Variants in ABCA3 observed in about 807,000 individuals in gnomAD.
ABCA3 encodes the protein ATP binding cassette subfamily A member 3, also known as phospholipid-transporting ATPase ABCA3.
Under a neutral mutation model 172.8 loss-of-function variants are expected in ABCA3, and 88 were observed. The ratio of observed to expected loss-of-function variants is 0.51; its 90% confidence interval spans 0.43 to 0.61. ABCA3 has a LOEUF of 0.61. Ranked by LOEUF, ABCA3 falls within the 20% of genes least tolerant of loss-of-function variation. The pLI is 0.00. For missense variants in ABCA3, 2,164 were observed against 2,301.0 expected (o/e 0.94, Z 1.22); for synonymous variants, 1,066 against 983.8 (o/e 1.08, Z -1.56).
chr16:2,323,585 A>C lies in ABCA3; in HGVS notation c.551T>G (p.Leu184Arg). The change falls in exon 7 of 33, where the codon CTT becomes CGT. Residue 184 changes from leucine to arginine, a missense_variant. Leu to Arg is a moderately radical substitution (Grantham distance 102). Transcript: ENST00000301732. ...KETEGWHTTS[L>R]FPLFPNPGPR... Reference sequence around the variant, plus strand: ...TCCTGGGTTTGGGAAAAGCGGGAAAAGGGAAGTAGTGTGCCAGCCTTCTGT... The same window carrying C: ...TCCTGGGTTTGGGAAAAGCGGGAAACGGGAAGTAGTGTGCCAGCCTTCTGT... 6.2e-7 allele frequency: 1 copy of C among 1,614,144 alleles called. No homozygotes were observed. Among genetic ancestry groups the C allele is most frequent in the Non-Finnish European group, 8.5e-7 (1 of 1,180,022 alleles).
chr16:2,294,091 C>T (rs2093676207), intron 18 of ABCA3, among the ~76,000 whole-genome samples: 1 of 151,246 alleles, frequency 6.6e-6, no homozygotes, highest in Admixed American at 6.6e-5. Context: ...GTGATTTCGG[C>T]TCACTGCAAC....
Position 2,284,141 on chromosome 16 carries a change from G to T in ABCA3, c.3862+138C>A. On this transcript the variant is annotated intron_variant, in intron 25 of 32. Coordinates refer to ENST00000301732, the MANE Select transcript of ABCA3 (RefSeq NM_001089.3). This position sits in a 1 kb window ranked among gnomAD's most constrained non-coding sequence, Gnocchi z 5.9. ...CGCGAGGGGGCTGCTGTGGGAGGTG[G>T]GGCAAGGCGGTACAGAGGAACGCAC... The T allele has an allele frequency of 8.8e-7, 1 of 1,135,990 alleles. No homozygotes were observed. Among genetic ancestry groups the T allele is most frequent in the Non-Finnish European group, 1.2e-6 (1 of 821,802 alleles). 70.4% of individuals were successfully genotyped at this position (1,135,990 alleles called of 1,614,324 possible).
rs1208444167 is a variant in ABCA3 at position 2,281,509 on chromosome 16, T to C, written c.4036A>G (p.Thr1346Ala). ...ACAGGCATCCGGGTGTATAATTCTG[T>C]CTGATTGACCAGGACAAAGACCGCA... ...LCALRRRRTL[T>A]ELYTRMPVLP... Residue 1346 changes from threonine to alanine, a missense_variant and splice_region_variant, in exon 27 of 33, where the codon ACA becomes GCA. By Grantham distance (58) the Thr-to-Ala change is moderately conservative (BLOSUM62 0). Coordinates refer to ENST00000301732, the MANE Select transcript of ABCA3 (RefSeq NM_001089.3). The surrounding 1 kb of genome is among the most constrained non-coding windows in gnomAD (Gnocchi z 4.7). 1.1e-5 allele frequency: 17 copies of C among 1,611,690 alleles called. No individual in the cohort carries two copies. Among genetic ancestry groups the C allele is most frequent in the Non-Finnish European group, 1.4e-5 (16 of 1,179,782 alleles).
chr16:2,284,114 G>GGC lies in ABCA3; in HGVS notation c.3862+163_3862+164dup. The GGC allele has an allele frequency of 1.2e-6, 1 of 827,360 alleles. No homozygotes were observed. Among genetic ancestry groups the GGC allele is most frequent in the Non-Finnish European group, 1.8e-6 (1 of 546,942 alleles). The allele number at this position is 827,360 out of a possible 1,614,324, so 51.3% of individuals were successfully genotyped here. A position where few individuals can be genotyped will look rare whatever the true frequency, so the allele number is the denominator to read the frequency against. ...CAGGTACAGGGCCTGGGAGCGAGCG[G>GGC]GCGCGAGGGGGCTGCTGTGGGAGGT... On this transcript the variant is annotated intron_variant, in intron 25 of 32. Transcript: ENST00000301732. The surrounding 1 kb of genome is among the most constrained non-coding windows in gnomAD (Gnocchi z 5.9).
intron 19 of ABCA3, among the ~76,000 whole-genome samples, chr16:2,289,961 TCA>T (rs3138606): frequency 0.034 from 4,634 of 138,262 alleles, 87 homozygotes; most frequent in East Asian, 0.045. Flanking sequence ...GTGAATTACA[TCA>T]CACACACACA....
chr16:2,282,006 T>G (rs1168572129), intron 26 of ABCA3, among the ~76,000 whole-genome samples: 1 of 152,144 alleles, frequency 6.6e-6, no homozygotes, highest in Non-Finnish European at 1.5e-5. Context: ...GCCAGGCTGG[T>G]CTAGAACTCC....
chr16:2,286,813 G>T lies in ABCA3; in HGVS notation c.3159C>A (p.Ala1053=), dbSNP rs561806432. 3 of 1,614,174 alleles carry T rather than the reference G, an allele frequency of 1.9e-6. No individual in the cohort carries two copies. Among genetic ancestry groups the T allele is most frequent in the East Asian group, 4.5e-5 (2 of 44,884 alleles). The change falls in exon 22 of 33, where the codon GCC becomes GCA. Residue 1053 remains alanine, a synonymous_variant. Transcript: ENST00000301732. This position sits in a 1 kb window ranked among gnomAD's most constrained non-coding sequence, Gnocchi z 5.2. ...ACAGAAGGTTGTCCACGACGGCCAGGGCAGTGGCTGGAGAGTGGTACGCCT... is the reference window on the plus strand; with the variant it reads ...ACAGAAGGTTGTCCACGACGGCCAGTGCAGTGGCTGGAGAGTGGTACGCCT... The part of the protein sequence containing the change: ...NNQAYHSPAT[A]LAVVDNLLFK...
At chr16:2,292,367 A>G (rs2093673429) in intron 18 of ABCA3, 129 bp from the exon 19 acceptor site, 2 of 737,882 alleles carry the variant, frequency 2.7e-6, no homozygotes, top group Non-Finnish European at 4.7e-6. Context: ...TGGGACGCCA[A>G]GGCGGGCGGA....
rs2141691541 is a variant in ABCA3 at position 2,281,835 on chromosome 16, C to T, written c.4036-326G>A. 6.7e-6 allele frequency among the ~76,000 whole-genome samples: 1 copy of T among 150,276 alleles called. No homozygotes were observed. The highest frequency in any genetic ancestry group is 2.4e-5 in the African/African-American group (1 of 40,852). On this transcript the variant is annotated intron_variant, in intron 26 of 32. Coordinates refer to ENST00000301732, the MANE Select transcript of ABCA3 (RefSeq NM_001089.3). The surrounding 1 kb of genome is among the most constrained non-coding windows in gnomAD (Gnocchi z 4.7). The stretch of plus-strand genomic sequence containing the variant: ...TTTTTTTTTTTTTGAGACAGAGTCT[C>T]ACTCTGTTGTCCAGGCTGGAGTGCA...
At position 2,309,996 on chromosome 16, in the gene ABCA3, G is replaced by GTT. The variant is rs545593179; in HGVS notation, c.1112-1375_1112-1374dup. The stretch of plus-strand genomic sequence containing the variant: ...ACACCAAAGGGCTTTTTAAATGTGG[G>GTT]TTATATATATATATCCATATTTATT... On this transcript the variant is annotated intron_variant, in intron 10 of 32. Transcript: ENST00000301732. Among the ~76,000 whole-genome samples the GTT allele has an allele frequency of 4.0e-4, 61 of 152,038 alleles. No individual in the cohort carries two copies. In the South Asian group the frequency reaches 9.3e-3, roughly 23 times the overall value.
chr16:2,323,399 C>G lies in ABCA3; in HGVS notation c.613+124G>C, dbSNP rs145070506. ...TATTCACAACAGCAAAGACTTGGAACCAAGCCAAATGTCCTGAAAAGTATT... is the reference window on the plus strand; with the variant it reads ...TATTCACAACAGCAAAGACTTGGAAGCAAGCCAAATGTCCTGAAAAGTATT... On this transcript the variant is annotated intron_variant, in intron 7 of 32. Coordinates refer to ENST00000301732, the MANE Select transcript of ABCA3 (RefSeq NM_001089.3). The G allele has an allele frequency of 1.7e-4, 228 of 1,327,282 alleles. No homozygotes were observed. The African/African-American group carries it at 3.1e-3, about 18-fold the overall frequency. The allele number at this position is 1,327,282 out of a possible 1,614,324, so 82.2% of individuals were successfully genotyped here.
At chr16:2,308,811 C>T (rs1465052625) in intron 10 of ABCA3, among the ~76,000 whole-genome samples, 188 bp from the exon 11 acceptor site, 1 of 152,180 alleles carries the variant, frequency 6.6e-6, no homozygotes, top group Non-Finnish European at 1.5e-5. Context: ...AGCCCCTTCT[C>T]CAAGTGAGTA....
At chr16:2,333,902 C>CTGGT (rs997434266) in intron 1 of ABCA3, among the ~76,000 whole-genome samples, 2 of 152,014 alleles carry the variant, frequency 1.3e-5, no homozygotes, top group Admixed American at 1.3e-4. Flanking sequence ...GCTGGCCAGG[C>CTGGT]TGGTCTCAAA....
At chr16:2,313,860 T>C (rs969340738) in intron 10 of ABCA3, among the ~76,000 whole-genome samples, 1 of 151,472 alleles carries the variant, frequency 6.6e-6, no homozygotes, top group African/African-American at 2.4e-5. Context: ...GCCACTACAC[T>C]TAGCCTGGGC....
intron 1 of ABCA3, among the ~76,000 whole-genome samples, 199 bp from the exon 2 acceptor site, chr16:2,330,053 TG>T (rs950846542): frequency 6.6e-6 from 1 of 152,008 alleles, no homozygotes; most frequent in African/African-American, 2.4e-5. Flanking sequence ...TCCAGCACTT[TG>T]GAAGACTGAG....
chr16:2,319,719 G>A lies in ABCA3; in HGVS notation c.735C>T (p.Phe245=). The change falls in exon 8 of 33, where the codon TTC becomes TTT. Residue 245 remains phenylalanine, a synonymous_variant. Coordinates refer to ENST00000301732, the MANE Select transcript of ABCA3 (RefSeq NM_001089.3). ...GGTCTGCGATGAACGGCGGGTACGG[G>A]AACCTCTTGATGGTCACCGTCAGTC... is the stretch of plus-strand genomic sequence containing the variant. ...FQRLTVTIKR[F]PYPPFIADPF... 2 of 1,613,838 alleles carry A rather than the reference G, an allele frequency of 1.2e-6. No individual in the cohort carries two copies. The highest frequency in any genetic ancestry group is 1.7e-6 in the Non-Finnish European group (2 of 1,180,014).
At chr16:2,323,204 G>A in intron 7 of ABCA3, 1 of 451,098 alleles carries the variant, frequency 2.2e-6, no homozygotes, top group Non-Finnish European at 4.1e-6. Context: ...TACACTGTTG[G>A]TGGGACTGTA....
chr16:2,319,884 G>C (rs200584639), intron 7 of ABCA3, 44 bp from the exon 8 acceptor site: 1 of 1,609,988 alleles, frequency 6.2e-7, no homozygotes, highest in Non-Finnish European at 8.5e-7. Context: ...TCGAGGAGCT[G>C]CTCTCGAGGG....
In ABCA3 at chr16:2,286,757, A is replaced by G; in HGVS notation, c.3215T>C (p.Ile1072Thr). ...GGGCTGGGGGAAGTTGGAGACCACA[A>G]TGGAGGCGTGAGGCCCGCACAGCAG... The part of the protein sequence containing the change: ...FKLLCGPHAS[I>T]VVSNFPQPRS... The change falls in exon 22 of 33, where the codon ATT (isoleucine) becomes ACT (threonine). Residue 1072 changes from isoleucine to threonine, a missense_variant. Transcript: ENST00000301732. This position sits in a 1 kb window ranked among gnomAD's most constrained non-coding sequence, Gnocchi z 5.2. 3.7e-6 allele frequency: 6 copies of G among 1,613,942 alleles called. No individual in the cohort carries two copies. The highest frequency in any genetic ancestry group is 5.1e-6 in the Non-Finnish European group (6 of 1,179,954).
Sources: gnomAD v4.1 joint callset for allele counts (sites outside exome capture counted in the v4.1 genomes callset) on GRCh38, gnomAD v4.1.1 for gene constraint, Gnocchi (gnomAD v3.1) non-coding constraint, MANE v1.5 for transcripts, NCBI Gene and HGNC (gene_info 2026-07-23, HGNC 2026-07-21) for gene names.